The following GGT1 variants were observed in gnomAD, a reference collection of about 807,000 sequenced individuals.
GGT1 encodes gamma-glutamyltransferase 1.
In GGT1, 21 loss-of-function variants were observed where a neutral mutation model predicts 56.0. The observed-to-expected ratio is 0.38, with a 90% CI of 0.27 to 0.54. The LOEUF (loss-of-function observed/expected upper bound fraction) is 0.54. Ranked by LOEUF, GGT1 falls within the 20% of genes least tolerant of loss-of-function variation. The probability of loss-of-function intolerance (pLI) is 0.82; values close to 1 mark genes in which losing one functional copy is unlikely to be tolerated. For missense variants in GGT1, 466 were observed against 787.0 expected, an observed-to-expected ratio of 0.59 and a Z score of 4.88; for synonymous variants, 238 against 342.6, an observed-to-expected ratio of 0.69 and a Z score of 3.37.
At chr22:24,604,682 C>T (rs2045922528) in intron 1 of GGT1, among the ~76,000 whole-genome samples, 1 of 151,996 alleles carries the variant, frequency 6.6e-6, no homozygotes, top group South Asian at 2.1e-4. Flanking sequence ...GACATGGCTT[C>T]CCCAGACCCA....
At chr22:24,624,328 C>A (rs2047615099) in intron 11 of GGT1, 2 of 985,214 alleles carry the variant, frequency 2.0e-6, no homozygotes, top group African/African-American at 3.5e-5. Flanking sequence ...CACCCTCAGC[C>A]CTGCACCACC....
At chr22:24,599,989 G>A (rs2045757410), upstream of GGT1, among the ~76,000 whole-genome samples, 1 of 152,224 alleles carries the variant, frequency 6.6e-6, no homozygotes, top group South Asian at 2.1e-4. Flanking sequence ...GTGGCATGGT[G>A]TCGGGACTGG....
At chr22:24,609,592 G>A (rs576303472) in intron 2 of GGT1, 5 of 219,888 alleles carry the variant, frequency 2.3e-5, no homozygotes, top group Admixed American at 1.1e-4. Flanking sequence ...GAGGTCAGAC[G>A]CTCTGCACTG....
rs1396976449 is a variant in GGT1 at position 24,620,260 on chromosome 22, G to C, written c.383-68G>C. The C allele has an allele frequency of 6.5e-7, 1 of 1,545,168 alleles. No individual in the cohort carries two copies. The highest frequency in any genetic ancestry group is 1.4e-5 in the African/African-American group (1 of 73,906). ...TAAAATGAGTCAGGGACTGTGCCTG[G>C]GATGCTGCCTGCGAGAGATCCCGAT... On this transcript the variant is annotated intron_variant, in intron 7 of 15. Transcript: ENST00000400382. This position sits in a 1 kb window ranked among gnomAD's most constrained non-coding sequence, Gnocchi z 5.6.
At chr22:24,617,421 C>A (rs913191333) in intron 7 of GGT1, among the ~76,000 whole-genome samples, 2 of 151,976 alleles carry the variant, frequency 1.3e-5, no homozygotes, top group East Asian at 3.9e-4. Context: ...GCCTATGGAC[C>A]CCGTGGGTTG....
rs545025619 is a variant in GGT1 at position 24,626,472 on chromosome 22, G to A, written c.1021-960G>A. 2.7e-3 allele frequency among the ~76,000 whole-genome samples: 391 copies of A among 146,724 alleles called. 2 individuals carry two copies. The highest frequency in any genetic ancestry group is 2.2e-3 in the Non-Finnish European group (149 of 67,074). Reference sequence around the variant, plus strand: ...TACCTCCATGTTCATCTCTCAGCCCGCCCTTGCCCGTGAACCCATGCTTAT... The same window carrying A: ...TACCTCCATGTTCATCTCTCAGCCCACCCTTGCCCGTGAACCCATGCTTAT... On this transcript the variant is annotated intron_variant, in intron 11 of 15. Coordinates refer to ENST00000400382, the MANE Select transcript of GGT1 (RefSeq NM_001288833.2).
At chr22:24,599,056 C>G (rs1178412552), upstream of GGT1, 1 of 152,226 alleles carries the variant, frequency 6.6e-6, no homozygotes, top group Non-Finnish European at 1.5e-5. Flanking sequence ...ATTAGAGATG[C>G]CAGCTGTCAG....
upstream of GGT1, among the ~76,000 whole-genome samples, chr22:24,593,859 T>C (rs772447179): frequency 2.0e-5 from 3 of 152,000 alleles, no homozygotes; most frequent in Non-Finnish European, 4.4e-5. Flanking sequence ...TCACGCTACA[T>C]GGACACTCCT....
At position 24,614,838 on chromosome 22, in the gene GGT1, G is replaced by C. The variant is rs1420746825; in HGVS notation, c.227G>C (p.Gly76Ala). ...DAAIAALLCV[G>A]LMNAHSMGIG... ...GCCATTGCAGCCCTGTTGTGTGTGGGGCTCATGAATGCCCACAGCATGGGC... is the reference window on the plus strand; with the variant it reads ...GCCATTGCAGCCCTGTTGTGTGTGGCGCTCATGAATGCCCACAGCATGGGC... The change falls in exon 6 of 16, where the codon GGG becomes GCG. Residue 76 changes from glycine (G) to alanine (A), a missense_variant. Transcript: ENST00000400382. 2 of 1,613,518 alleles carry C rather than the reference G, an allele frequency of 1.2e-6. No homozygotes were observed. Among genetic ancestry groups the C allele is most frequent in the Admixed American group, 3.3e-5 (2 of 60,002 alleles).
chr22:24,624,300 C>G, intron 11 of GGT1: 1 of 982,166 alleles, frequency 1.0e-6, no homozygotes, highest in Non-Finnish European at 1.2e-6. Context: ...TCACTCCAAA[C>G]TAACGCTTCC....
chr22:24,606,741 A>G (rs1418367872), intron 1 of GGT1, among the ~76,000 whole-genome samples: 2 of 151,946 alleles, frequency 1.3e-5, no homozygotes, highest in Non-Finnish European at 2.9e-5. Flanking sequence ...GGACAGGCCT[A>G]TGTGACCCAG....
the GGT1 span, chr22:24,589,346 G>T: frequency 8.7e-7 from 1 of 1,144,136 alleles, no homozygotes; most frequent in Non-Finnish European, 1.1e-6. Flanking sequence ...TGTTGTAGGG[G>T]AAAGCAGTGA....
chr22:24,584,455 C>T, the GGT1 span, among the ~76,000 whole-genome samples: 4 of 152,064 alleles, frequency 2.6e-5, no homozygotes, highest in Admixed American at 2.6e-4. Flanking sequence ...CCATCCCAGT[C>T]CTGGGACCCA....
rs2047381480 is a variant in GGT1, at chr22:24,621,014, A to G, written c.677A>G (p.Gln226Arg). 1.2e-6 allele frequency: 2 copies of G among 1,609,988 alleles called. No individual in the cohort carries two copies. The highest frequency in any genetic ancestry group is 4.5e-5 in the East Asian group (2 of 44,832). ...TYETLAIEGA[Q>R]AFYNGSLTAQ... ...GAGACGCTGGCCATCGAGGGTGCCC[A>G]GGCCTTCTACAACGGCAGCCTCACG... The change falls in exon 9 of 16, where the codon CAG becomes CGG. Residue 226 changes from glutamine (Q) to arginine (R), a missense_variant. Transcript: ENST00000400382.
At chr22:24,618,791 G>A (rs1436581923) in intron 7 of GGT1, among the ~76,000 whole-genome samples, 1 of 152,170 alleles carries the variant, frequency 6.6e-6, no homozygotes, top group Non-Finnish European at 1.5e-5. Context: ...GCCAAGCCAA[G>A]CCAAATGGCC....
At chr22:24,585,914 G>A in the GGT1 span, 1 of 1,602,362 alleles carries the variant, frequency 6.2e-7, no homozygotes, top group South Asian at 1.1e-5. Context: ...CTGGGGCTCG[G>A]GTCCCAGCCC....
chr22:24,616,460 A>G (rs1179620347), intron 7 of GGT1, among the ~76,000 whole-genome samples: 6 of 151,346 alleles, frequency 4.0e-5, no homozygotes, highest in Non-Finnish European at 8.8e-5. Context: ...CACACTCACC[A>G]TAGCAGGTCT....
intron 11 of GGT1, among the ~76,000 whole-genome samples, chr22:24,626,137 T>C (rs1438599206): frequency 4.1e-5 from 6 of 146,974 alleles, no homozygotes; most frequent in African/African-American, 1.1e-4. Context: ...GGACTACATG[T>C]GCCCACCACC....
the GGT1 span, chr22:24,585,645 CTCTT>C: frequency 1.8e-6 from 1 of 557,080 alleles, no homozygotes; most frequent in Non-Finnish European, 3.2e-6. Context: ...GCGGGTGTCA[CTCTT>C]TATTGCGGGG....
Sources: gnomAD v4.1 joint callset for allele counts (sites outside exome capture counted in the v4.1 genomes callset) on GRCh38, gnomAD v4.1.1 for gene constraint, Gnocchi (gnomAD v3.1) non-coding constraint, MANE v1.5 for transcripts, NCBI Gene and HGNC (gene_info 2026-07-23, HGNC 2026-07-21) for gene names.